Variants in DOCK3 observed in about 807,000 individuals in gnomAD.
DOCK3 encodes dedicator of cytokinesis protein 3.
In DOCK3, 60 loss-of-function variants were observed where a neutral mutation model predicts 265.6. That is an observed-to-expected ratio of 0.23 (90% CI 0.18 to 0.28). DOCK3 has a LOEUF of 0.28. Among genes scored for constraint, DOCK3 ranks in the 10% least tolerant of loss-of-function variants. The pLI, the probability that DOCK3 is intolerant of heterozygous loss-of-function variation, is 1.00. For missense variants in DOCK3, 1,981 were observed against 2,594.3 expected, an observed-to-expected ratio of 0.76 and a Z score of 5.14; for synonymous variants, 881 against 938.0, an observed-to-expected ratio of 0.94 and a Z score of 1.11.
At chr3:50,773,204 A>G (rs530056513) in intron 1 of DOCK3, among the ~76,000 whole-genome samples, 1 of 152,236 alleles carries the variant, frequency 6.6e-6, no homozygotes, top group South Asian at 2.1e-4. Flanking sequence ...TTTCTTCTAT[A>G]AATTATGCTG....
Position 50,902,938 on chromosome 3 carries a change from T to C in DOCK3, c.218+12857T>C, listed in dbSNP as rs543312372. Among the ~76,000 whole-genome samples, 9 of 152,360 alleles carry C rather than the reference T, an allele frequency of 5.9e-5. No homozygotes were observed. The South Asian group carries it at 1.9e-3, about 32-fold the overall frequency. ...TATTTTATTCTCTTTGTAGCAGTTG[T>C]GAATGAGAGTTCATTCATGATTTGG... On this transcript the variant is annotated intron_variant, in intron 4 of 52. Coordinates refer to ENST00000266037, the MANE Select transcript of DOCK3 (RefSeq NM_004947.5).
At chr3:50,847,882 C>CAAA (rs3043428) in intron 3 of DOCK3, among the ~76,000 whole-genome samples, 10,686 of 97,510 alleles carry the variant, frequency 0.11, 1,025 homozygotes, top group Non-Finnish European at 0.13. Flanking sequence ...GGCTCCATTT[C>CAAA]AAAAAAAAAA....
chr3:50,965,677 T>G (rs1177031265), intron 5 of DOCK3, among the ~76,000 whole-genome samples: 4 of 152,136 alleles, frequency 2.6e-5, no homozygotes, highest in Non-Finnish European at 5.9e-5. Flanking sequence ...AAGGAAAACT[T>G]CAGTCTCAAA....
chr3:51,300,107 T>G (rs976423546), intron 27 of DOCK3, among the ~76,000 whole-genome samples: 1 of 152,200 alleles, frequency 6.6e-6, no homozygotes, highest in Non-Finnish European at 1.5e-5. Flanking sequence ...GGTTTGTAGT[T>G]CTTCTTGAAG....
chr3:51,204,869 A>T (rs1460435212), intron 12 of DOCK3, among the ~76,000 whole-genome samples: 1 of 152,082 alleles, frequency 6.6e-6, no homozygotes, highest in African/African-American at 2.4e-5. Flanking sequence ...CTTTGTAGGG[A>T]CATGGATGAA....
intron 12 of DOCK3, among the ~76,000 whole-genome samples, chr3:51,182,579 T>G (rs1289618253): frequency 2.0e-5 from 3 of 152,202 alleles, no homozygotes. Flanking sequence ...AATAGGTACT[T>G]GGAGGAAGTA....
At chr3:50,757,638 T>C (rs534819910) in intron 1 of DOCK3, among the ~76,000 whole-genome samples, 1 of 152,306 alleles carries the variant, frequency 6.6e-6, no homozygotes, top group Non-Finnish European at 1.5e-5. Flanking sequence ...TGAAATTTAA[T>C]TTTCTTTTTT....
intron 23 of DOCK3, among the ~76,000 whole-genome samples, chr3:51,268,175 A>G (rs896590825): frequency 6.6e-6 from 1 of 152,214 alleles, no homozygotes; most frequent in African/African-American, 2.4e-5. Flanking sequence ...ATTAGATTAG[A>G]TTCAATATTA....
intron 27 of DOCK3, 24 bp from the exon 28 acceptor site, chr3:51,310,208 A>T (rs1428203607): frequency 6.4e-7 from 1 of 1,569,466 alleles, no homozygotes. Context: ...GTGGTGTCTC[A>T]CATCAGCTTT....
chr3:50,977,937 G>A (rs536683411), intron 5 of DOCK3, among the ~76,000 whole-genome samples: 69 of 151,886 alleles, frequency 4.5e-4, no homozygotes, highest in African/African-American at 1.3e-3. Flanking sequence ...TGATCGCATC[G>A]GCTCCTGAGG....
At chr3:51,316,499 G>A (rs138909855) in intron 32 of DOCK3, among the ~76,000 whole-genome samples, 1 of 152,284 alleles carries the variant, frequency 6.6e-6, no homozygotes, top group African/African-American at 2.4e-5. Context: ...GGATTGTTGG[G>A]CCTTGTGACA....
chr3:51,268,094 A>G (rs2080298256), intron 23 of DOCK3, among the ~76,000 whole-genome samples: 1 of 152,202 alleles, frequency 6.6e-6, no homozygotes, highest in African/African-American at 2.4e-5. Flanking sequence ...TACTTATGTA[A>G]CAAACCTGCA....
chr3:50,849,401 CACAT>C lies in DOCK3; in HGVS notation c.162+7690_162+7693del. 1.3e-5 allele frequency among the ~76,000 whole-genome samples: 2 copies of C among 151,724 alleles called. 1 individual carries two copies. Among genetic ancestry groups the C allele is most frequent in the Non-Finnish European group, 2.9e-5 (2 of 67,906 alleles). On this transcript the variant is annotated intron_variant, in intron 3 of 52. Coordinates refer to ENST00000266037, the MANE Select transcript of DOCK3 (RefSeq NM_004947.5). The stretch of plus-strand genomic sequence containing the variant: ...ACATACACATATATACACACACACA[CACAT>C]ACACACACACATATATATATGGCAG...
chr3:51,294,610 G>A lies in DOCK3; in HGVS notation c.2922+14406G>A, dbSNP rs545986090. ...GGAAGATGGCGTGAACCCGGGAGGC[G>A]GAGCTTGCAGTGAGCCAAGATCGCG... is the stretch of plus-strand genomic sequence containing the variant. On this transcript the variant is annotated intron_variant, in intron 27 of 52. Coordinates refer to ENST00000266037, the MANE Select transcript of DOCK3 (RefSeq NM_004947.5). 1.9e-4 allele frequency among the ~76,000 whole-genome samples: 29 copies of A among 151,456 alleles called. No individual in the cohort carries two copies. The East Asian group carries it at 4.7e-3, about 24-fold the overall frequency.
At chr3:51,208,924 C>T in intron 13 of DOCK3, 62 bp downstream of exon 13, 4 of 1,480,632 alleles carry the variant, frequency 2.7e-6, no homozygotes, top group Non-Finnish European at 3.7e-6. Context: ...TCATACAGCA[C>T]TTAGATTGGT....
At chr3:50,897,647 C>T (rs1243669875) in intron 4 of DOCK3, among the ~76,000 whole-genome samples, 4 of 151,258 alleles carry the variant, frequency 2.6e-5, no homozygotes, top group Admixed American at 6.6e-5. Context: ...TTTTGAGATA[C>T]GTTCAATCGG....
intron 22 of DOCK3, among the ~76,000 whole-genome samples, chr3:51,250,942 T>C (rs2079185598): frequency 6.6e-6 from 1 of 152,228 alleles, no homozygotes; most frequent in Admixed American, 6.5e-5. Context: ...CATATGTATC[T>C]ATATGCCATG....
intron 3 of DOCK3, among the ~76,000 whole-genome samples, chr3:50,858,273 T>C (rs1231134785): frequency 1.3e-5 from 2 of 151,938 alleles, no homozygotes; most frequent in African/African-American, 4.8e-5. Flanking sequence ...CTCTGGGGCC[T>C]GTTGTGGGAT....
chr3:51,365,764 G>T (rs2087105891), intron 49 of DOCK3, among the ~76,000 whole-genome samples: 2 of 152,142 alleles, frequency 1.3e-5, no homozygotes, highest in African/African-American at 2.4e-5. Context: ...TTTGTCTTTG[G>T]TTCTGTTTAT....
Sources: allele counts gnomAD v4.1 joint callset (sites outside exome capture counted in the v4.1 genomes callset), GRCh38; gene constraint gnomAD v4.1.1; transcripts MANE v1.5; gene names NCBI Gene and HGNC (gene_info 2026-07-23, HGNC 2026-07-21).